The following TENM4 variants were observed in gnomAD, a reference collection of about 807,000 sequenced individuals.
The protein encoded by TENM4 is teneurin transmembrane protein 4, also known as teneurin-4.
A neutral mutation model predicts 243.3 loss-of-function variants in TENM4; 82 were observed. That is an observed-to-expected ratio of 0.34 (90% CI 0.28 to 0.40). TENM4 has a LOEUF of 0.40. TENM4 is among the 10% of genes least tolerant of loss of function. The pLI is 1.00. For synonymous variants in TENM4, 1,412 were observed against 1,456.3 expected, an observed-to-expected ratio of 0.97 and a Z score of 0.69; for missense variants, 3,138 against 3,673.3, an observed-to-expected ratio of 0.85 and a Z score of 3.77.
intron 1 of TENM4, among the ~76,000 whole-genome samples, chr11:79,340,183 T>C (rs1857218503): frequency 6.6e-6 from 1 of 152,198 alleles, no homozygotes; most frequent in Non-Finnish European, 1.5e-5. Flanking sequence ...AGTGGAAATG[T>C]CACTTTGCTG....
intron 3 of TENM4, among the ~76,000 whole-genome samples, chr11:79,186,335 A>G (rs2135151442): frequency 6.6e-6 from 1 of 152,226 alleles, no homozygotes; most frequent in Non-Finnish European, 1.5e-5. Context: ...CCAACACTCT[A>G]AGCCATCAAC....
intron 1 of TENM4, among the ~76,000 whole-genome samples, chr11:79,319,900 A>T (rs1033182402): frequency 7.9e-5 from 12 of 152,148 alleles, no homozygotes; most frequent in African/African-American, 2.9e-4. Context: ...CTAGGTGACC[A>T]CCACAACTGG....
At chr11:79,227,757 T>G (rs79206649) in intron 2 of TENM4, among the ~76,000 whole-genome samples, 4,352 of 152,298 alleles carry the variant, frequency 0.029, 190 homozygotes, top group African/African-American at 0.093. Context: ...ATGCCAAGGA[T>G]CCTGGCTGTG....
At chr11:79,021,472 T>C (rs780492372) in intron 6 of TENM4, 3 of 152,174 alleles carry the variant, frequency 2.0e-5, no homozygotes, top group Non-Finnish European at 4.4e-5. Flanking sequence ...AGAATGGGTG[T>C]GTTGCAGAAT....
At position 79,033,234 on chromosome 11, in the gene TENM4, G is replaced by T. The variant is rs564985193; in HGVS notation, c.493+31504C>A. ...ATCCATCCCTAGTGCTTGGCACAGG[G>T]ACAGCCATACAGCAGGTGCCCAATA... On this transcript the variant is annotated intron_variant, in intron 6 of 33. Coordinates refer to ENST00000278550, the MANE Select transcript of TENM4 (RefSeq NM_001098816.3). Among the ~76,000 whole-genome samples the T allele has an allele frequency of 3.1e-3, 468 of 152,140 alleles. 1 individual carries two copies. Among genetic ancestry groups the T allele is most frequent in the Non-Finnish European group, 5.4e-3 (368 of 68,004 alleles).
In TENM4 at chr11:79,388,443, A is replaced by G. The variant is rs61530126; in HGVS notation, c.-321+52066T>C. 5.7e-3 allele frequency among the ~76,000 whole-genome samples: 861 copies of G among 152,334 alleles called. 9 individuals are homozygous for G. Among genetic ancestry groups the G allele is most frequent in the African/African-American group, 0.02 (825 of 41,572 alleles). On this transcript the variant is annotated intron_variant, in intron 1 of 33. Coordinates refer to ENST00000278550, the MANE Select transcript of TENM4 (RefSeq NM_001098816.3). ...GCCAAGTCACAATGTGAGAAAATGC[A>G]AGTTACAGAAAACATGAGATTCCCA...
intron 3 of TENM4, among the ~76,000 whole-genome samples, chr11:79,212,851 G>C (rs1008371813): frequency 3.3e-5 from 5 of 152,160 alleles, no homozygotes; most frequent in Non-Finnish European, 5.9e-5. Flanking sequence ...AGCAGGAGGA[G>C]GCTAAGTTGG....
At chr11:79,424,838 G>C (rs946753403) in intron 1 of TENM4, among the ~76,000 whole-genome samples, 7 of 151,040 alleles carry the variant, frequency 4.6e-5, no homozygotes, top group African/African-American at 1.7e-4. Context: ...GGAGGCTAAG[G>C]CAGGAGAATG....
chr11:79,228,986 A>C (rs1864326199), intron 2 of TENM4, among the ~76,000 whole-genome samples: 2 of 152,194 alleles, frequency 1.3e-5, no homozygotes, highest in African/African-American at 4.8e-5. Context: ...ATGTGTCCTC[A>C]GGCTCCTCTT....
chr11:79,008,675 T>G (rs1858555784), intron 6 of TENM4, among the ~76,000 whole-genome samples: 1 of 152,216 alleles, frequency 6.6e-6, no homozygotes, highest in Admixed American at 6.5e-5. Flanking sequence ...TGGAGCTGGT[T>G]TCTGATTTTT....
intron 6 of TENM4, among the ~76,000 whole-genome samples, chr11:78,912,018 A>T (rs1367325286): frequency 6.6e-6 from 1 of 152,154 alleles, no homozygotes; most frequent in Non-Finnish European, 1.5e-5. Context: ...GCACTGAAGT[A>T]GAGGCAGGAC....
intron 15 of TENM4, among the ~76,000 whole-genome samples, chr11:78,796,671 C>A (rs1413192713): frequency 6.6e-6 from 1 of 152,166 alleles, no homozygotes; most frequent in East Asian, 1.9e-4. Context: ...ACAGAAAAAA[C>A]CTAAACTCCT....
chr11:79,398,066 G>T (rs1215024165), intron 1 of TENM4, among the ~76,000 whole-genome samples: 1 of 152,178 alleles, frequency 6.6e-6, no homozygotes, highest in Non-Finnish European at 1.5e-5. Flanking sequence ...GTGCTTGTTT[G>T]TATTTATCCC....
At chr11:78,790,969 G>T (rs1394779213) in intron 15 of TENM4, among the ~76,000 whole-genome samples, 3 of 152,212 alleles carry the variant, frequency 2.0e-5, no homozygotes, top group Non-Finnish European at 4.4e-5. Flanking sequence ...CACTAGACAT[G>T]CTCTCCTGGC....
intron 1 of TENM4, among the ~76,000 whole-genome samples, chr11:79,367,102 T>A (rs564064066): frequency 1.3e-5 from 2 of 152,342 alleles, no homozygotes; most frequent in Non-Finnish European, 2.9e-5. Flanking sequence ...CTTATACAAA[T>A]TGGCTGGATC....
Position 78,669,204 on chromosome 11 carries a change from G to C in TENM4, c.7141C>G (p.Leu2381Val), listed in dbSNP as rs183461078. 11 of 1,612,626 alleles carry C rather than the reference G, an allele frequency of 6.8e-6. No homozygotes were observed. The highest frequency in any genetic ancestry group is 9.3e-6 in the Non-Finnish European group (11 of 1,179,442). The change falls in exon 32 of 34, where the codon CTG becomes GTG. Residue 2381 changes from leucine (L) to valine (V), a missense_variant. Physicochemically the swap from Leu to Val is conservative, Grantham distance 32 (BLOSUM62 1). Transcript: ENST00000278550. This position sits in a 1 kb window ranked among gnomAD's most constrained non-coding sequence, Gnocchi z 6.4. Reference protein sequence around the residue: ...SGTGLMIKQILYTAYGEIYMD... With the variant: ...SGTGLMIKQIVYTAYGEIYMD... ...TAGATCTCCCCATAGGCTGTGTACA[G>C]GATTTGCTTGATCATCAAACCTGTT...
chr11:78,752,836 T>G (rs753709230), intron 19 of TENM4, among the ~76,000 whole-genome samples: 2 of 146,960 alleles, frequency 1.4e-5, no homozygotes, highest in Non-Finnish European at 1.5e-5. Flanking sequence ...TCGCTGGACC[T>G]GGAGGGCAGG....
intron 29 of TENM4, among the ~76,000 whole-genome samples, chr11:78,684,945 C>G (rs186650776): frequency 6.6e-6 from 1 of 152,236 alleles, no homozygotes; most frequent in Admixed American, 6.5e-5. Context: ...ATGTCAAGAA[C>G]TAAAGATAGT....
chr11:79,058,242 G>A (rs939632941), intron 6 of TENM4, among the ~76,000 whole-genome samples: 28 of 152,132 alleles, frequency 1.8e-4, no homozygotes, highest in Non-Finnish European at 3.5e-4. Flanking sequence ...TGTAGAACAC[G>A]GTGGTCAAGA....
Sources: gnomAD v4.1 joint callset for allele counts (sites outside exome capture counted in the v4.1 genomes callset) on GRCh38, gnomAD v4.1.1 for gene constraint, Gnocchi (gnomAD v3.1) non-coding constraint, MANE v1.5 for transcripts, NCBI Gene and HGNC (gene_info 2026-07-23, HGNC 2026-07-21) for gene names.